Variants in FGF14 observed in about 807,000 individuals in gnomAD.
FGF14 encodes fibroblast growth factor 14.
Under a neutral mutation model 25.5 loss-of-function variants are expected in FGF14, and 5 were observed. That is an observed-to-expected ratio of 0.20 (90% CI 0.10 to 0.41). The LOEUF (loss-of-function observed/expected upper bound fraction) is 0.41, where lower values mean the gene tolerates loss of function less well. FGF14 is among the 10% of genes least tolerant of loss of function. The pLI is 1.00. For synonymous variants in FGF14, 138 were observed against 118.3 expected (o/e 1.17, Z -1.08); for missense variants, 222 against 320.1 (o/e 0.69, Z 2.34).
At chr13:102,178,893 C>T (rs1450836199) in intron 1 of FGF14, among the ~76,000 whole-genome samples, 2 of 152,004 alleles carry the variant, frequency 1.3e-5, no homozygotes, top group East Asian at 3.9e-4. Flanking sequence ...AATATTTTAT[C>T]TATTCACTTT....
intron 1 of FGF14, among the ~76,000 whole-genome samples, chr13:102,093,880 G>A (rs2044277840): frequency 6.6e-6 from 1 of 150,914 alleles, no homozygotes; most frequent in Admixed American, 6.6e-5. Flanking sequence ...CTGCAGCTAT[G>A]CCAGCAGGCA....
chr13:101,866,463 T>C (rs1294148026), intron 3 of FGF14, among the ~76,000 whole-genome samples: 1 of 152,150 alleles, frequency 6.6e-6, no homozygotes, highest in Non-Finnish European at 1.5e-5. Flanking sequence ...ATCAGTGTCC[T>C]TATTTTAATA....
intron 1 of FGF14, among the ~76,000 whole-genome samples, chr13:101,996,090 C>T (rs934796490): frequency 6.6e-6 from 1 of 152,096 alleles, no homozygotes; most frequent in Non-Finnish European, 1.5e-5. Context: ...ACATTGTATG[C>T]TTGTATCAAA....
chr13:101,733,911 CAA>C (rs1174463160), intron 3 of FGF14, among the ~76,000 whole-genome samples: 1 of 151,138 alleles, frequency 6.6e-6, no homozygotes, highest in East Asian at 1.9e-4. Flanking sequence ...AACTAAATAT[CAA>C]ATAATTTGAT....
intron 3 of FGF14, among the ~76,000 whole-genome samples, chr13:101,788,902 A>ATG (rs2040036694): frequency 2.9e-5 from 1 of 34,650 alleles, no homozygotes; most frequent in Non-Finnish European, 6.2e-5. Context: ...ATATATATAT[A>ATG]TATATATAGA....
chr13:101,963,200 A>C (rs893293152), intron 1 of FGF14, among the ~76,000 whole-genome samples: 1 of 152,258 alleles, frequency 6.6e-6, no homozygotes, highest in Non-Finnish European at 1.5e-5. Context: ...CCATTGCTCC[A>C]ACCAACCTAC....
chr13:101,715,462 A>T lies in FGF14; in HGVS notation c.*7369T>A. On this transcript the variant is annotated 3_prime_UTR_variant, in exon 5 of 5. Transcript: ENST00000376143. ...ACAATAAGAAAATCTACCAAGGATG[A>T]ATGAAATGATTTCATTGTGGACACT... The T allele has an allele frequency of 2.4e-6, 2 of 834,542 alleles. No homozygotes were observed. Among genetic ancestry groups the T allele is most frequent in the East Asian group, 4.9e-5 (2 of 40,896 alleles). The allele number at this position is 834,542 out of a possible 1,614,324, so 51.7% of individuals were successfully genotyped here. A position where few individuals can be genotyped will look rare whatever the true frequency, so the allele number is the denominator to read the frequency against.
At chr13:101,796,525 A>G (rs1233421922) in intron 3 of FGF14, among the ~76,000 whole-genome samples, 1 of 151,892 alleles carries the variant, frequency 6.6e-6, no homozygotes. Context: ...TACCCCTACC[A>G]CTTCAGAGTA....
At chr13:102,158,568 T>C (rs9557822) in intron 1 of FGF14, among the ~76,000 whole-genome samples, 10,018 of 149,952 alleles carry the variant, frequency 0.067, 922 homozygotes, top group East Asian at 0.48. Context: ...ATACCTAATG[T>C]TAAATGATGA....
At chr13:102,279,849 A>G (rs968072414) in intron 1 of FGF14, among the ~76,000 whole-genome samples, 5 of 152,234 alleles carry the variant, frequency 3.3e-5, no homozygotes, top group Admixed American at 3.3e-4. Flanking sequence ...GCTCCCCTGG[A>G]AAATGCCTGG....
At chr13:101,973,249 C>T (rs1287395763) in intron 1 of FGF14, among the ~76,000 whole-genome samples, 4 of 151,826 alleles carry the variant, frequency 2.6e-5, no homozygotes, top group African/African-American at 9.7e-5. Context: ...TCCCCTTCCT[C>T]CAGAGGTCGT....
At chr13:101,781,765 A>G (rs1292846242) in intron 3 of FGF14, among the ~76,000 whole-genome samples, 1 of 152,224 alleles carries the variant, frequency 6.6e-6, no homozygotes, top group African/African-American at 2.4e-5. Context: ...AATAGTTTTT[A>G]AAGAAGCTTA....
intron 1 of FGF14, among the ~76,000 whole-genome samples, chr13:102,005,622 T>C (rs531663272): frequency 6.6e-6 from 1 of 152,270 alleles, no homozygotes; most frequent in South Asian, 2.1e-4. Context: ...AAAAAGGACA[T>C]TAGATGACAC....
chr13:102,160,796 A>C (rs2047588218), intron 1 of FGF14, among the ~76,000 whole-genome samples: 1 of 152,146 alleles, frequency 6.6e-6, no homozygotes, highest in Non-Finnish European at 1.5e-5. Flanking sequence ...ACGGTTGGCC[A>C]CATCTATTTT....
chr13:102,363,178 A>G (rs367885904), intron 1 of FGF14, among the ~76,000 whole-genome samples: 1 of 152,220 alleles, frequency 6.6e-6, no homozygotes, highest in African/African-American at 2.4e-5. Context: ...TTTTGCACCA[A>G]TCACAATTAA....
intron 1 of FGF14, among the ~76,000 whole-genome samples, chr13:102,134,923 C>T (rs976622266): frequency 6.6e-6 from 1 of 151,892 alleles, no homozygotes; most frequent in Non-Finnish European, 1.5e-5. Flanking sequence ...GTGGCTCATG[C>T]CTATAATCCC....
At chr13:102,004,164 G>A (rs2039658764) in intron 1 of FGF14, among the ~76,000 whole-genome samples, 1 of 152,204 alleles carries the variant, frequency 6.6e-6, no homozygotes, top group South Asian at 2.1e-4. Flanking sequence ...ACTCCATCAG[G>A]TTGGAAGGTA....
chr13:102,335,307 GT>G (rs1462901799), intron 1 of FGF14, among the ~76,000 whole-genome samples: 3 of 152,008 alleles, frequency 2.0e-5, no homozygotes, highest in Non-Finnish European at 4.4e-5. Context: ...ATTTTGTTTG[GT>G]CTTTCCTGCT....
In FGF14 at chr13:101,716,807, T is replaced by A. The variant is rs1005621584; in HGVS notation, c.*6024A>T. 3.3e-4 allele frequency: 37 copies of A among 113,158 alleles called. No individual in the cohort carries two copies. Among genetic ancestry groups the A allele is most frequent in the African/African-American group, 1.1e-3 (32 of 29,470 alleles). 7.0% of individuals were successfully genotyped at this position (113,158 alleles called of 1,614,324 possible). On this transcript the variant is annotated 3_prime_UTR_variant, in exon 5 of 5. Transcript: ENST00000376143. ...ACAAAAGACCAAAAAAAAAAAAAAA[T>A]CTAGAAATGGCTTAAATAGAAATTA...
Sources: allele counts gnomAD v4.1 joint callset (sites outside exome capture counted in the v4.1 genomes callset), GRCh38; gene constraint gnomAD v4.1.1; transcripts MANE v1.5; gene names NCBI Gene and HGNC (gene_info 2026-07-23, HGNC 2026-07-21).